STXBP3: variants seen among roughly 807,000 people sequenced by gnomAD.
The protein encoded by STXBP3 is syntaxin binding protein 3.
A neutral mutation model predicts 85.7 loss-of-function variants in STXBP3; 41 were observed. The ratio of observed to expected loss-of-function variants is 0.48; its 90% CI spans 0.37 to 0.62. The LOEUF (loss-of-function observed/expected upper bound fraction) is 0.62, where lower values mean the gene tolerates loss of function less well. Ranked by LOEUF, STXBP3 falls within the 20% of genes least tolerant of loss-of-function variation. The probability of loss-of-function intolerance (pLI) is 0.00; values close to 1 mark genes in which losing one functional copy is unlikely to be tolerated. For missense variants in STXBP3, 563 were observed against 703.1 expected, an observed-to-expected ratio of 0.80 and a Z score of 2.25; for synonymous variants, 229 against 231.7, an observed-to-expected ratio of 0.99 and a Z score of 0.10.
Position 108,782,474 on chromosome 1 carries a change from C to CTCTTCTTCTTCT in STXBP3, c.865_866insTCTTCTTCTTCT (p.Leu288_Trp289insPhePhePhePhe). 1 of 1,613,690 alleles carries CTCTTCTTCTTCT rather than the reference C, an allele frequency of 6.2e-7. No homozygotes were observed. The highest frequency in any genetic ancestry group is 8.5e-7 in the Non-Finnish European group (1 of 1,179,842). ...GGCCATCCTTGAAGAAGAAGATGACCTCTGGGTTAGAATTCGACATCGACA... is the reference window on the plus strand; with the variant it reads ...GGCCATCCTTGAAGAAGAAGATGACCTCTTCTTCTTCTTCTGGGTTAGAATTCGACATCGACA... On this transcript the variant is annotated inframe_insertion, in exon 10 of 19. Transcript: ENST00000370008.
Position 108,779,347 on chromosome 1 carries a change from T to G in STXBP3, c.746T>G (p.Leu249Arg). 6.2e-7 allele frequency: 1 copy of G among 1,613,354 alleles called. No individual in the cohort carries two copies. Among genetic ancestry groups the G allele is most frequent in the Non-Finnish European group, 8.5e-7 (1 of 1,179,520 alleles). Residue 249 changes from leucine (L) to arginine (R), a missense_variant, in exon 9 of 19, where the codon CTG (leucine) becomes CGG (arginine). Leu to Arg is a moderately radical substitution (Grantham distance 102, BLOSUM62 -2). Coordinates refer to ENST00000370008, the MANE Select transcript of STXBP3 (RefSeq NM_007269.4). ...GGCTTTGATCCTGTGTCCACTGTCC[T>G]GCATGAACTGACCTTTCAGGCAATG... is the stretch of plus-strand genomic sequence containing the variant. ...DRGFDPVSTV[L>R]HELTFQAMAY...
chr1:108,748,372 A>G (rs755631333), intron 1 of STXBP3, among the ~76,000 whole-genome samples: 2 of 152,164 alleles, frequency 1.3e-5, no homozygotes, highest in Non-Finnish European at 2.9e-5. Context: ...AAATTTTAAA[A>G]TTAACCATGT....
At chr1:108,772,624 A>C (rs772669595) in intron 6 of STXBP3, 41 bp from the exon 7 acceptor site, 2 of 1,274,382 alleles carry the variant, frequency 1.6e-6, no homozygotes, top group South Asian at 2.6e-5. Context: ...TTTTTAAATC[A>C]GGTCTCCAGA....
At chr1:108,785,530 C>G (rs758452050) in intron 11 of STXBP3, among the ~76,000 whole-genome samples, 6 of 151,594 alleles carry the variant, frequency 4.0e-5, no homozygotes, top group African/African-American at 1.5e-4. Context: ...GAGGGGCTAC[C>G]ACGAAGGTCT....
chr1:108,757,652 C>T (rs1662049237), intron 4 of STXBP3, among the ~76,000 whole-genome samples: 1 of 151,846 alleles, frequency 6.6e-6, no homozygotes, highest in South Asian at 2.1e-4. Context: ...GATAATGGAG[C>T]AGAAACTGCC....
At position 108,807,136 on chromosome 1, in the gene STXBP3, T is replaced by C. The variant is rs148410829; in HGVS notation, c.1536-265T>C. Reference sequence around the variant, plus strand: ...GCATGGTGGCACATGCCTGTAATCCTAGCTACTCGGGAGGCTGAAACAGGA... The same window carrying C: ...GCATGGTGGCACATGCCTGTAATCCCAGCTACTCGGGAGGCTGAAACAGGA... On this transcript the variant is annotated intron_variant, in intron 17 of 18. Transcript: ENST00000370008. Among the ~76,000 whole-genome samples the C allele has an allele frequency of 5.5e-3, 839 of 151,700 alleles. 28 individuals carry two copies. In the East Asian group the frequency reaches 0.1, roughly 18 times the overall value.
intron 1 of STXBP3, among the ~76,000 whole-genome samples, chr1:108,747,360 C>CATTG (rs1438779335): frequency 6.6e-6 from 1 of 152,140 alleles, no homozygotes; most frequent in African/African-American, 2.4e-5. Flanking sequence ...GAGAAGAGAC[C>CATTG]ATTGGAATGA....
chr1:108,757,784 G>A (rs1230464324), intron 4 of STXBP3, among the ~76,000 whole-genome samples: 1 of 151,698 alleles, frequency 6.6e-6, no homozygotes, highest in African/African-American at 2.4e-5. Flanking sequence ...ATAAATAAAT[G>A]GTTTAGCTAA....
chr1:108,748,348 C>G (rs1473600208), intron 1 of STXBP3, among the ~76,000 whole-genome samples: 1 of 151,824 alleles, frequency 6.6e-6, no homozygotes, highest in Non-Finnish European at 1.5e-5. Flanking sequence ...AAGTGAGACC[C>G]CATCTCTACA....
chr1:108,807,878 T>C (rs532442318), intron 18 of STXBP3, among the ~76,000 whole-genome samples: 1 of 152,206 alleles, frequency 6.6e-6, no homozygotes, highest in East Asian at 1.9e-4. Flanking sequence ...CACCCAGCCT[T>C]CTTTTCTGTT....
chr1:108,767,844 C>A (rs947253067), intron 6 of STXBP3, among the ~76,000 whole-genome samples: 1 of 152,076 alleles, frequency 6.6e-6, no homozygotes, highest in African/African-American at 2.4e-5. Flanking sequence ...ACCTCAGCCT[C>A]CCAAAGTGCT....
intron 17 of STXBP3, among the ~76,000 whole-genome samples, chr1:108,807,059 G>C (rs956267913): frequency 2.0e-5 from 3 of 151,930 alleles, no homozygotes; most frequent in East Asian, 3.9e-4. Context: ...CAAGACCAGC[G>C]TGGCCAACAT....
intron 1 of STXBP3, among the ~76,000 whole-genome samples, chr1:108,749,937 T>G (rs1661866408): frequency 6.6e-6 from 1 of 152,202 alleles, no homozygotes; most frequent in Non-Finnish European, 1.5e-5. Flanking sequence ...TTTTTTACAT[T>G]CCTTTTTTTG....
intron 8 of STXBP3, among the ~76,000 whole-genome samples, chr1:108,778,257 T>C (rs759233860): frequency 6.6e-5 from 10 of 152,248 alleles, no homozygotes; most frequent in Non-Finnish European, 8.8e-5. Flanking sequence ...TTATCTGTTA[T>C]TGCTTTGAAT....
intron 6 of STXBP3, among the ~76,000 whole-genome samples, chr1:108,762,580 C>A (rs974345272): frequency 6.6e-6 from 1 of 151,608 alleles, no homozygotes; most frequent in Non-Finnish European, 1.5e-5. Flanking sequence ...TGTAACATTC[C>A]ACTCAGAAGG....
At chr1:108,755,994 C>G (rs1050389675) in intron 3 of STXBP3, among the ~76,000 whole-genome samples, 1 of 152,082 alleles carries the variant, frequency 6.6e-6, no homozygotes, top group African/African-American at 2.4e-5. Context: ...CAACATGAAT[C>G]TTGAAAGATG....
At chr1:108,766,902 A>C in intron 6 of STXBP3, 1 of 524,110 alleles carries the variant, frequency 1.9e-6, no homozygotes, top group South Asian at 1.5e-5. Context: ...TCTAGCACAA[A>C]AGAAACTGTA....
In STXBP3 at chr1:108,782,418, G is replaced by T; in HGVS notation, c.810-4G>T. 6.2e-7 allele frequency: 1 copy of T among 1,603,640 alleles called. No homozygotes were observed. Among genetic ancestry groups the T allele is most frequent in the Non-Finnish European group, 8.5e-7 (1 of 1,175,160 alleles). The stretch of plus-strand genomic sequence containing the variant: ...AAAGTTTTAGTGCTTCTGTCTACTT[G>T]TAGATATAAAACAGATGGAAAAGAA... On this transcript the variant is annotated splice_region_variant and splice_polypyrimidine_tract_variant and intron_variant, in intron 9 of 18. Coordinates refer to ENST00000370008, the MANE Select transcript of STXBP3 (RefSeq NM_007269.4).
chr1:108,801,720 G>A (rs562177755), intron 17 of STXBP3, among the ~76,000 whole-genome samples: 2 of 151,620 alleles, frequency 1.3e-5, no homozygotes, highest in East Asian at 3.9e-4. Flanking sequence ...GAGTGCAGGA[G>A]TGCAGTGGCA....
Sources: gnomAD v4.1 joint callset for allele counts (sites outside exome capture counted in the v4.1 genomes callset) on GRCh38, gnomAD v4.1.1 for gene constraint, MANE v1.5 for transcripts, NCBI Gene and HGNC (gene_info 2026-07-23, HGNC 2026-07-21) for gene names.